PDGFC: variants seen among roughly 807,000 people sequenced by gnomAD.
The protein encoded by PDGFC is platelet-derived growth factor C.
A neutral mutation model predicts 35.5 loss-of-function variants in PDGFC; 12 were observed. The observed-to-expected ratio is 0.34, with a 90% CI of 0.22 to 0.55. The LOEUF (loss-of-function observed/expected upper bound fraction) is 0.55. Among genes scored for constraint, PDGFC ranks in the 20% least tolerant of loss-of-function variants. The pLI, the probability that PDGFC is intolerant of heterozygous loss-of-function variation, is 0.91. For missense variants in PDGFC, 322 were observed against 412.4 expected, an observed-to-expected ratio of 0.78 and a Z score of 1.90; for synonymous variants, 159 against 148.8, an observed-to-expected ratio of 1.07 and a Z score of -0.50.
intron 1 of PDGFC, among the ~76,000 whole-genome samples, chr4:156,936,338 G>T (rs1462118824): frequency 6.6e-6 from 1 of 152,190 alleles, no homozygotes; most frequent in Non-Finnish European, 1.5e-5. Flanking sequence ...TCTCAGAGGA[G>T]AATTTCTACC....
At chr4:156,870,372 A>C (rs767093996) in intron 1 of PDGFC, among the ~76,000 whole-genome samples, 1 of 152,148 alleles carries the variant, frequency 6.6e-6, no homozygotes, top group Non-Finnish European at 1.5e-5. Flanking sequence ...CAAAACAGAC[A>C]ATATTTCATA....
At chr4:156,888,716 C>T (rs541241935) in intron 1 of PDGFC, among the ~76,000 whole-genome samples, 1 of 152,044 alleles carries the variant, frequency 6.6e-6, no homozygotes. Flanking sequence ...CTCCAATGTC[C>T]CTGCCCCTAC....
chr4:156,862,642 A>G lies in PDGFC; in HGVS notation c.119-12226T>C, dbSNP rs17035356. On this transcript the variant is annotated intron_variant, in intron 1 of 5. Transcript: ENST00000502773. ...CACCAATGTTAATTGTTTAAGAGTG[A>G]TATGATAAAAATAAAACTACTCTAT... 0.014 allele frequency among the ~76,000 whole-genome samples: 2,065 copies of G among 152,230 alleles called. 155 individuals carry two copies. The South Asian group carries it at 0.2, about 15-fold the overall frequency.
At chr4:156,779,994 C>T (rs977410402) in intron 3 of PDGFC, among the ~76,000 whole-genome samples, 12 of 152,000 alleles carry the variant, frequency 7.9e-5, no homozygotes, top group African/African-American at 2.9e-4. Context: ...CTAGGTCAAA[C>T]TGCGGGTTAT....
intron 1 of PDGFC, among the ~76,000 whole-genome samples, chr4:156,935,275 C>T (rs1045294515): frequency 2.0e-4 from 31 of 152,232 alleles, no homozygotes; most frequent in Non-Finnish European, 3.1e-4. Context: ...CCATTACAGG[C>T]GTGAGCCACC....
chr4:156,810,440 A>G (rs1044898951), intron 3 of PDGFC, among the ~76,000 whole-genome samples: 1 of 151,958 alleles, frequency 6.6e-6, no homozygotes, highest in Non-Finnish European at 1.5e-5. Context: ...ATGATAAATG[A>G]TTCTATTATT....
chr4:156,769,011 AT>A (rs1007766041), intron 4 of PDGFC, among the ~76,000 whole-genome samples: 14 of 151,936 alleles, frequency 9.2e-5, no homozygotes, highest in East Asian at 3.9e-4. Flanking sequence ...ATCTCTGCCT[AT>A]TTTTTTCCCC....
At chr4:156,847,275 C>T (rs1345166346) in intron 2 of PDGFC, among the ~76,000 whole-genome samples, 1 of 151,726 alleles carries the variant, frequency 6.6e-6, no homozygotes, top group South Asian at 2.1e-4. Flanking sequence ...TCAAAGCTAA[C>T]ATCATCACTA....
intron 1 of PDGFC, among the ~76,000 whole-genome samples, chr4:156,884,385 G>C (rs1432576953): frequency 1.3e-5 from 2 of 152,110 alleles, no homozygotes; most frequent in Non-Finnish European, 2.9e-5. Flanking sequence ...CAGTGGGCTG[G>C]CAATAAAGAA....
chr4:156,935,649 A>G (rs1170400442), intron 1 of PDGFC, among the ~76,000 whole-genome samples: 1 of 152,182 alleles, frequency 6.6e-6, no homozygotes, highest in Non-Finnish European at 1.5e-5. Flanking sequence ...ATTAAATAAG[A>G]TGTCTTTATA....
At chr4:156,821,185 GTGTGTGTGTA>G (rs1354022034) in intron 2 of PDGFC, among the ~76,000 whole-genome samples, 40 of 146,352 alleles carry the variant, frequency 2.7e-4, no homozygotes, top group African/African-American at 9.3e-4. Flanking sequence ...GTGTGTGTGT[GTGTGTGTGTA>G]TGTGTGTGTG....
chr4:156,943,380 T>A (rs1198750775), intron 1 of PDGFC, among the ~76,000 whole-genome samples: 1 of 152,102 alleles, frequency 6.6e-6, no homozygotes, highest in East Asian at 1.9e-4. Context: ...AAAAGTGTGG[T>A]GCACAGGCCA....
chr4:156,814,399 A>G (rs1244968027), intron 2 of PDGFC, among the ~76,000 whole-genome samples: 4 of 152,158 alleles, frequency 2.6e-5, no homozygotes, highest in Non-Finnish European at 5.9e-5. Flanking sequence ...ACGTTAAGGT[A>G]ACAGAGAAGA....
intron 1 of PDGFC, among the ~76,000 whole-genome samples, chr4:156,880,428 C>A (rs1008815215): frequency 6.6e-6 from 1 of 151,780 alleles, no homozygotes; most frequent in Non-Finnish European, 1.5e-5. Context: ...GATTTTAAAC[C>A]CACTACTCAG....
At chr4:156,905,940 C>A (rs1443599731) in intron 1 of PDGFC, among the ~76,000 whole-genome samples, 1 of 151,586 alleles carries the variant, frequency 6.6e-6, no homozygotes, top group South Asian at 2.1e-4. Context: ...TGCTTACAAG[C>A]CTGTTATGTA....
At chr4:156,945,868 G>A (rs1270646509) in intron 1 of PDGFC, among the ~76,000 whole-genome samples, 2 of 151,934 alleles carry the variant, frequency 1.3e-5, no homozygotes, top group African/African-American at 4.8e-5. Flanking sequence ...AAATCACCAG[G>A]CTCATTATCA....
intron 3 of PDGFC, among the ~76,000 whole-genome samples, chr4:156,785,140 G>A (rs528722090): frequency 6.6e-6 from 1 of 152,294 alleles, no homozygotes; most frequent in East Asian, 1.9e-4. Context: ...AAGCAAACAG[G>A]ATGATTCACA....
At chr4:156,935,668 C>A (rs1731662173) in intron 1 of PDGFC, among the ~76,000 whole-genome samples, 1 of 152,146 alleles carries the variant, frequency 6.6e-6, no homozygotes, top group African/African-American at 2.4e-5. Context: ...TACAGAAACA[C>A]ACATAAAATA....
At chr4:156,916,065 T>C (rs1214006955) in intron 1 of PDGFC, among the ~76,000 whole-genome samples, 1 of 152,138 alleles carries the variant, frequency 6.6e-6, no homozygotes, top group Non-Finnish European at 1.5e-5. Flanking sequence ...CTTTTGGGAA[T>C]ATTAAGAAGA....
Sources: gnomAD v4.1 joint callset for allele counts (sites outside exome capture counted in the v4.1 genomes callset) on GRCh38, gnomAD v4.1.1 for gene constraint, MANE v1.5 for transcripts, NCBI Gene and HGNC (gene_info 2026-07-23, HGNC 2026-07-21) for gene names.